GAREM1: variants seen among roughly 807,000 people sequenced by gnomAD.
The protein encoded by GAREM1 is GRB2-associated and regulator of MAPK protein 1.
A neutral mutation model predicts 71.3 loss-of-function variants in GAREM1; 26 were observed. That is an observed-to-expected ratio of 0.36 (90% CI 0.27 to 0.51). GAREM1 has a LOEUF of 0.51. Ranked by LOEUF, GAREM1 falls within the 20% of genes least tolerant of loss-of-function variation. The pLI is 0.95. For synonymous variants in GAREM1, 440 were observed against 433.2 expected (o/e 1.02, Z -0.20); for missense variants, 1,026 against 1,103.1 (o/e 0.93, Z 0.99).
intron 1 of GAREM1, among the ~76,000 whole-genome samples, chr18:32,456,791 G>C (rs2048893536): frequency 1.3e-5 from 2 of 152,116 alleles, no homozygotes; most frequent in East Asian, 3.9e-4. Context: ...CCAATAAAAG[G>C]AAACAAATTA....
At chr18:32,305,054 A>G (rs2047239826) in intron 3 of GAREM1, among the ~76,000 whole-genome samples, 1 of 152,154 alleles carries the variant, frequency 6.6e-6, no homozygotes, top group South Asian at 2.1e-4. Flanking sequence ...TTACAGTTAA[A>G]AAAAAACCCC....
At chr18:32,341,486 AT>A (rs1330193636) in intron 2 of GAREM1, among the ~76,000 whole-genome samples, 10 of 152,226 alleles carry the variant, frequency 6.6e-5, no homozygotes, top group African/African-American at 2.4e-4. Context: ...TCCTCTGGGT[AT>A]ATACCCAGTA....
intron 2 of GAREM1, among the ~76,000 whole-genome samples, chr18:32,315,633 C>T (rs1407651011): frequency 6.6e-6 from 1 of 151,740 alleles, no homozygotes; most frequent in Non-Finnish European, 1.5e-5. Context: ...ATTTCAAATG[C>T]TCAACAGCTC....
At chr18:32,328,654 A>C (rs897112898) in intron 2 of GAREM1, among the ~76,000 whole-genome samples, 2 of 152,184 alleles carry the variant, frequency 1.3e-5, no homozygotes, top group African/African-American at 4.8e-5. Flanking sequence ...TATGATAAAG[A>C]TATCACCACA....
intron 2 of GAREM1, among the ~76,000 whole-genome samples, chr18:32,340,158 C>T (rs2047634487): frequency 1.3e-5 from 2 of 152,178 alleles, no homozygotes; most frequent in African/African-American, 4.8e-5. Flanking sequence ...TGTGGGATGC[C>T]CTTTTCCTAC....
intron 1 of GAREM1, among the ~76,000 whole-genome samples, chr18:32,396,153 C>A (rs1472094513): frequency 1.3e-5 from 2 of 152,128 alleles, no homozygotes; most frequent in Non-Finnish European, 2.9e-5. Flanking sequence ...CACACCAAAA[C>A]GCCATCTGTA....
At chr18:32,292,179 C>G (rs1476321682) in intron 3 of GAREM1, among the ~76,000 whole-genome samples, 1 of 152,150 alleles carries the variant, frequency 6.6e-6, no homozygotes, top group South Asian at 2.1e-4. Flanking sequence ...TAAATGACTG[C>G]CATTCTAACT....
intron 1 of GAREM1, among the ~76,000 whole-genome samples, chr18:32,449,453 G>A (rs973336525): frequency 1.3e-5 from 2 of 152,308 alleles, no homozygotes; most frequent in South Asian, 2.1e-4. Context: ...TTAGGAGGCC[G>A]AGGCAAGTGG....
At chr18:32,353,212 C>T (rs1032291336) in intron 2 of GAREM1, among the ~76,000 whole-genome samples, 28 of 152,140 alleles carry the variant, frequency 1.8e-4, no homozygotes, top group African/African-American at 6.3e-4. Context: ...TCTAATCAGA[C>T]GATAACAAAG....
At chr18:32,370,438 A>T (rs1022886995) in intron 2 of GAREM1, among the ~76,000 whole-genome samples, 2 of 151,490 alleles carry the variant, frequency 1.3e-5, no homozygotes, top group Non-Finnish European at 2.9e-5. Context: ...AAAAAAAAAA[A>T]GCGTAAGGTG....
At chr18:32,391,413 G>A (rs1323901245) in intron 2 of GAREM1, among the ~76,000 whole-genome samples, 2 of 152,094 alleles carry the variant, frequency 1.3e-5, no homozygotes, top group African/African-American at 4.8e-5. Flanking sequence ...ATAAAATGAG[G>A]GCACTCTTTT....
At chr18:32,370,803 C>T (rs575350936) in intron 2 of GAREM1, among the ~76,000 whole-genome samples, 1 of 151,920 alleles carries the variant, frequency 6.6e-6, no homozygotes, top group Admixed American at 6.6e-5. Flanking sequence ...GATGCTAATA[C>T]TAACGTTAAG....
At chr18:32,380,501 A>T (rs1359609252) in intron 2 of GAREM1, among the ~76,000 whole-genome samples, 1 of 149,354 alleles carries the variant, frequency 6.7e-6, no homozygotes, top group Non-Finnish European at 1.5e-5. Context: ...AAAAAAAAGC[A>T]AGAAATCAAG....
At chr18:32,334,937 C>T (rs1468461016) in intron 2 of GAREM1, among the ~76,000 whole-genome samples, 1 of 152,180 alleles carries the variant, frequency 6.6e-6, no homozygotes, top group Non-Finnish European at 1.5e-5. Flanking sequence ...ATACTACCCT[C>T]TCTTTGCTGG....
chr18:32,327,069 T>A (rs957332857), intron 2 of GAREM1, among the ~76,000 whole-genome samples: 1 of 152,208 alleles, frequency 6.6e-6, no homozygotes, highest in Non-Finnish European at 1.5e-5. Flanking sequence ...AAAACAGGAA[T>A]CACTGGGAGA....
intron 4 of GAREM1, among the ~76,000 whole-genome samples, chr18:32,283,608 G>C (rs1003468548): frequency 6.6e-6 from 1 of 151,994 alleles, no homozygotes; most frequent in African/African-American, 2.4e-5. Flanking sequence ...AGAGATAAGA[G>C]GACTAGAGCA....
intron 4 of GAREM1, among the ~76,000 whole-genome samples, chr18:32,272,990 C>T (rs974527367): frequency 2.6e-5 from 4 of 152,140 alleles, no homozygotes; most frequent in African/African-American, 7.2e-5. Flanking sequence ...GTGAACTGCA[C>T]GGTAGCCAGA....
chr18:32,286,792 AG>A (rs2047022404), intron 4 of GAREM1, among the ~76,000 whole-genome samples: 1 of 152,092 alleles, frequency 6.6e-6, no homozygotes, highest in African/African-American at 2.4e-5. Flanking sequence ...CAGCAGCAAA[AG>A]TCATGTTTAA....
intron 3 of GAREM1, among the ~76,000 whole-genome samples, chr18:32,297,153 C>A (rs574039794): frequency 1.3e-5 from 2 of 152,272 alleles, no homozygotes; most frequent in South Asian, 4.1e-4. Flanking sequence ...CTCTAAAATA[C>A]GTGCTCTCTG....
Sources: allele counts gnomAD v4.1 joint callset (sites outside exome capture counted in the v4.1 genomes callset), GRCh38; gene constraint gnomAD v4.1.1; transcripts MANE v1.5; gene names NCBI Gene and HGNC (gene_info 2026-07-23, HGNC 2026-07-21).